CRISP2: variants seen among roughly 807,000 people sequenced by gnomAD.
CRISP2 encodes cysteine-rich secretory protein 2.
A neutral mutation model predicts 31.7 loss-of-function variants in CRISP2; 29 were observed. The ratio of observed to expected loss-of-function variants is 0.92; its 90% CI spans 0.68 to 1.25. The LOEUF is 1.25. CRISP2 is among the 50% of genes most tolerant of loss of function. The pLI is 0.00. For synonymous variants in CRISP2, 111 were observed against 101.4 expected (o/e 1.09, Z -0.57); for missense variants, 318 against 286.5 (o/e 1.11, Z -0.79).
At chr6:49,681,038 T>G in the CRISP2 span, among the ~76,000 whole-genome samples, 1 of 152,210 alleles carries the variant, frequency 6.6e-6, no homozygotes, top group Non-Finnish European at 1.5e-5. Flanking sequence ...TTGCAATTGC[T>G]TTTGGCATCT....
the CRISP2 span, among the ~76,000 whole-genome samples, chr6:49,679,729 G>A: frequency 6.0e-5 from 9 of 151,230 alleles, no homozygotes; most frequent in Non-Finnish European, 1.3e-4. Flanking sequence ...TTTTTGAGAC[G>A]GAGTATTACT....
intron 6 of CRISP2, 21 bp from the exon 7 acceptor site, chr6:49,698,528 G>A (rs150965239): frequency 5.7e-6 from 9 of 1,586,566 alleles, no homozygotes; most frequent in Middle Eastern, 1.7e-4. Context: ...GATCATTCAT[G>A]AGCAAGGTAA....
intron 9 of CRISP2, among the ~76,000 whole-genome samples, chr6:49,693,750 T>C (rs182489573): frequency 1.3e-5 from 2 of 152,320 alleles, no homozygotes; most frequent in Admixed American, 1.3e-4. Context: ...TTTCAGTTTA[T>C]TTATCGTATT....
At chr6:49,678,402 C>T in the CRISP2 span, among the ~76,000 whole-genome samples, 1 of 152,234 alleles carries the variant, frequency 6.6e-6, no homozygotes, top group East Asian at 1.9e-4. Context: ...ACTCCAATTG[C>T]TTTTCTACAG....
Position 49,692,819 on chromosome 6 carries a change from T to C in CRISP2, c.686A>G (p.Lys229Arg). The part of the protein sequence containing the change: ...NTAGCEHELL[K>R]EKCKATCLCE... ...TAGGCAAGTAGCCTTGCACTTTTCC[T>C]TGAGTAACTCATGTTCACAGCCAGC... The change falls in exon 10 of 10, where the codon AAG becomes AGG. Residue 229 changes from lysine to arginine, a missense_variant. Coordinates refer to ENST00000339139, the MANE Select transcript of CRISP2 (RefSeq NM_003296.4). The C allele has an allele frequency of 1.3e-5, 21 of 1,613,912 alleles. No individual in the cohort carries two copies. The highest frequency in any genetic ancestry group is 1.7e-5 in the Non-Finnish European group (20 of 1,179,800).
Position 49,697,407 on chromosome 6 carries a change from G to GTGTGTGTGTGTGTGTGTGT in CRISP2, c.515+452_515+453insACACACACACACACACACA, listed in dbSNP as rs970345647. ...ATTTGTAATGGTAATTGTGTGTGGT[G>GTGTGTGTGTGTGTGTGTGT]GTGTGTGTGTGTGTGTGTTTTACAT... On this transcript the variant is annotated intron_variant, in intron 8 of 9. Coordinates refer to ENST00000339139, the MANE Select transcript of CRISP2 (RefSeq NM_003296.4). Among the ~76,000 whole-genome samples the GTGTGTGTGTGTGTGTGTGT allele has an allele frequency of 5.2e-3, 787 of 151,140 alleles. 11 individuals carry two copies. Among genetic ancestry groups the GTGTGTGTGTGTGTGTGTGT allele is most frequent in the African/African-American group, 0.018 (754 of 41,106 alleles).
At chr6:49,684,614 T>C in the CRISP2 span, among the ~76,000 whole-genome samples, 1 of 152,188 alleles carries the variant, frequency 6.6e-6, no homozygotes, top group Non-Finnish European at 1.5e-5. Flanking sequence ...CTCTTACTCT[T>C]GAATATCTTA....
the CRISP2 span, among the ~76,000 whole-genome samples, chr6:49,685,316 G>A: frequency 6.6e-6 from 1 of 151,302 alleles, no homozygotes; most frequent in Non-Finnish European, 1.5e-5. Flanking sequence ...TGATCCTAAG[G>A]AAAGGTTGTC....
Position 49,700,759 on chromosome 6 carries a change from G to C in CRISP2, c.92C>G (p.Thr31Ser), listed in dbSNP as rs1291448224. ...CTCCCTTTGCACTTGCAACTGGGTG[G>C]TTAACAAAGCAGTAAAAGCGGGATC... ...GKDPAFTALL[T>S]TQLQVQREIV... The change falls in exon 5 of 10, where the codon ACC becomes AGC. Residue 31 changes from threonine (T) to serine (S), a missense_variant. Physicochemically the swap from Thr to Ser is moderately conservative, Grantham distance 58. Transcript: ENST00000339139. The C allele has an allele frequency of 1.9e-6, 3 of 1,610,952 alleles. No homozygotes were observed. Among genetic ancestry groups the C allele is most frequent in the Non-Finnish European group, 2.5e-6 (3 of 1,178,024 alleles).
the CRISP2 span, among the ~76,000 whole-genome samples, chr6:49,684,259 A>T: frequency 1.3e-5 from 2 of 152,324 alleles, no homozygotes; most frequent in East Asian, 3.9e-4. Context: ...TGACCTACAC[A>T]CACCCTCCCA....
Position 49,692,783 on chromosome 6 carries a change from T to C in CRISP2, c.722A>G (p.Lys241Arg), listed in dbSNP as rs762512665. ...KCKATCLCEN[K>R]IY is the part of the protein sequence containing the mutation. ...TGCTCACTAGGTAAATCAGTAAATTTTGTTCTCACATAGGCAAGTAGCCTT... is the reference window on the plus strand; with the variant it reads ...TGCTCACTAGGTAAATCAGTAAATTCTGTTCTCACATAGGCAAGTAGCCTT... Residue 241 changes from lysine (K) to arginine (R), a missense_variant, in exon 10 of 10, where the codon AAA becomes AGA. Coordinates refer to ENST00000339139, the MANE Select transcript of CRISP2 (RefSeq NM_003296.4). 1 of 1,613,152 alleles carries C rather than the reference T, an allele frequency of 6.2e-7. No individual in the cohort carries two copies. The highest frequency in any genetic ancestry group is 8.5e-7 in the Non-Finnish European group (1 of 1,179,256).
the CRISP2 span, among the ~76,000 whole-genome samples, chr6:49,685,831 C>T: frequency 6.6e-6 from 1 of 152,082 alleles, no homozygotes; most frequent in African/African-American, 2.4e-5. Flanking sequence ...TGGGCTTTCC[C>T]CCACTTCTTA....
intron 4 of CRISP2, among the ~76,000 whole-genome samples, chr6:49,705,418 A>T (rs1037896629): frequency 8.5e-5 from 13 of 152,138 alleles, no homozygotes; most frequent in African/African-American, 2.7e-4. Context: ...CAAGTCTGAG[A>T]TCTTGGTCCA....
At chr6:49,700,900 T>C (rs1173965921) in intron 4 of CRISP2, 116 bp from the exon 5 acceptor site, 3 of 603,598 alleles carry the variant, frequency 5.0e-6, no homozygotes, top group South Asian at 4.1e-5. Flanking sequence ...ATAGTTATCA[T>C]GTACATATAT....
At chr6:49,682,632 T>TTTC in the CRISP2 span, among the ~76,000 whole-genome samples, 467 of 69,916 alleles carry the variant, frequency 6.7e-3, 1 homozygote, top group East Asian at 0.026. Context: ...TCTTTCTTTC[T>TTTC]TTCTTTCTTT....
At chr6:49,678,427 A>G in the CRISP2 span, among the ~76,000 whole-genome samples, 1 of 152,136 alleles carries the variant, frequency 6.6e-6, no homozygotes, top group Non-Finnish European at 1.5e-5. Flanking sequence ...TGGTTTTTCT[A>G]TAAAACTTGG....
At chr6:49,702,275 G>T (rs1374534921) in intron 4 of CRISP2, among the ~76,000 whole-genome samples, 1 of 148,390 alleles carries the variant, frequency 6.7e-6, no homozygotes, top group South Asian at 2.1e-4. Flanking sequence ...ACATGCGTGT[G>T]CAAGTGTCTT....
intron 4 of CRISP2, among the ~76,000 whole-genome samples, chr6:49,705,709 G>A (rs997940244): frequency 6.6e-6 from 1 of 152,168 alleles, no homozygotes; most frequent in Non-Finnish European, 1.5e-5. Flanking sequence ...TGCCTACAGG[G>A]CTCTTCTCAC....
At position 49,692,437 on chromosome 6, in the gene CRISP2, C is replaced by T. The variant is rs901909852; in HGVS notation, c.*336G>A. On this transcript the variant is annotated 3_prime_UTR_variant, in exon 10 of 10. Transcript: ENST00000339139. ...GGAATGGCAATGATGTTACAGTCTT[C>T]TTCTTTAGCATGTTTCAGGAAATAC... The T allele has an allele frequency of 1.2e-5, 2 of 169,576 alleles. No homozygotes were observed. Among genetic ancestry groups the T allele is most frequent in the African/African-American group, 4.7e-5 (2 of 42,232 alleles). The allele number at this position is 169,576 out of a possible 1,614,324, so 10.5% of individuals were successfully genotyped here.
Sources: gnomAD v4.1 joint callset for allele counts (sites outside exome capture counted in the v4.1 genomes callset) on GRCh38, gnomAD v4.1.1 for gene constraint, MANE v1.5 for transcripts, NCBI Gene and HGNC (gene_info 2026-07-23, HGNC 2026-07-21) for gene names.